The following ITPRIP variants were observed in gnomAD, a reference collection of about 807,000 sequenced individuals.
ITPRIP encodes inositol 1,4,5-trisphosphate receptor interacting protein, also known as inositol 1,4,5-trisphosphate receptor-interacting protein.
ITPRIP carries 32 observed loss-of-function variants against 35.8 expected under a neutral mutation model. That is an observed-to-expected ratio of 0.89 (90% CI 0.68 to 1.20). The LOEUF (loss-of-function observed/expected upper bound fraction) is 1.20. Among genes scored for constraint, ITPRIP ranks in the 50% most tolerant of loss-of-function variants. The probability of loss-of-function intolerance (pLI) is 0.00; values close to 1 mark genes in which losing one functional copy is unlikely to be tolerated. For missense variants in ITPRIP, 653 were observed against 735.6 expected, an observed-to-expected ratio of 0.89 and a Z score of 1.30; for synonymous variants, 358 against 324.0, an observed-to-expected ratio of 1.11 and a Z score of -1.13.
rs567461649 is a variant in ITPRIP at position 104,315,068 on chromosome 10, C to T, written c.984G>A (p.Leu328=). The change falls in exon 2 of 2, where the codon CTG becomes CTA. Residue 328 remains leucine, a synonymous_variant. Transcript: ENST00000337478. This position sits in a 1 kb window ranked among gnomAD's most constrained non-coding sequence, Gnocchi z 5.7. ...KYEFDLAFGQ[L]DSPGSLKIKF... is the part of the protein sequence containing the mutation. ...TGATCTTCAGGGACCCCGGGCTGTC[C>T]AGCTGGCCAAAGGCCAGGTCGAACT... 3 of 1,614,180 alleles carry T rather than the reference C, an allele frequency of 1.9e-6. No individual in the cohort carries two copies. The highest frequency in any genetic ancestry group is 3.3e-5 in the Admixed American group (2 of 60,026).
At position 104,338,458 on chromosome 10, in the gene ITPRIP, C is replaced by A. The variant is rs1007628115; in HGVS notation, c.-226G>T. ...GGCTCTACTGAACTTCAGAGTTACT[C>A]ATTTCCTGGATGTCACAAAAACTTT... On this transcript the variant is annotated 5_prime_UTR_variant, in exon 1 of 2. An upstream start codon of the reference 5' UTR is lost. Coordinates refer to ENST00000337478, the MANE Select transcript of ITPRIP (RefSeq NM_001272013.2). 2 of 152,322 alleles carry A rather than the reference C, an allele frequency of 1.3e-5. No individual in the cohort carries two copies. Among genetic ancestry groups the A allele is most frequent in the Non-Finnish European group, 2.9e-5 (2 of 68,112 alleles). The allele number at this position is 152,322 out of a possible 1,614,324, so 9.4% of individuals were successfully genotyped here.
In ITPRIP at chr10:104,314,382, G is replaced by A. The variant is rs371983948; in HGVS notation, c.*26C>T. On this transcript the variant is annotated 3_prime_UTR_variant, in exon 2 of 2. Coordinates refer to ENST00000337478, the MANE Select transcript of ITPRIP (RefSeq NM_001272013.2). ...GTGAGGGATGCCCTCATCTTAGCTC[G>A]AGGATCCCACATTCTGTAAAAGACG... is the stretch of plus-strand genomic sequence containing the variant. The A allele has an allele frequency of 1.6e-5, 25 of 1,583,588 alleles. No individual in the cohort carries two copies. Among genetic ancestry groups the A allele is most frequent in the East Asian group, 4.5e-5 (2 of 44,572 alleles).
At position 104,310,158 on chromosome 10, in the gene ITPRIP, G is replaced by A. The variant is rs1256074663; in HGVS notation, c.*4250C>T. On this transcript the variant is annotated 3_prime_UTR_variant, in exon 2 of 2. Coordinates refer to ENST00000337478, the MANE Select transcript of ITPRIP (RefSeq NM_001272013.2). ...CCTTCCAGCTCTGTCCCGTGAGGTG[G>A]AGATGAGACGGACCACGAAAATGTT... The A allele has an allele frequency of 6.6e-6, 1 of 152,204 alleles. No homozygotes were observed. Among genetic ancestry groups the A allele is most frequent in the Non-Finnish European group, 1.5e-5 (1 of 68,046 alleles). 9.4% of individuals were successfully genotyped at this position (152,204 alleles called of 1,614,324 possible). A position where few individuals can be genotyped will look rare whatever the true frequency, so the allele number is the denominator to read the frequency against.
rs575059774 is a variant in ITPRIP, at chr10:104,337,173, C to A, written c.-14+1073G>T. On this transcript the variant is annotated intron_variant, in intron 1 of 1. Transcript: ENST00000337478. ...TCTGATACTCTATTTTCAGGGCTCA[C>A]CTGGGCCTAAAACTGCACCAACCAC... 6.6e-5 allele frequency among the ~76,000 whole-genome samples: 10 copies of A among 152,322 alleles called. No homozygotes were observed. In the East Asian group the frequency reaches 1.9e-3, roughly 29 times the overall value.
At chr10:104,325,067 A>G (rs868353792) in intron 1 of ITPRIP, among the ~76,000 whole-genome samples, 1 of 152,136 alleles carries the variant, frequency 6.6e-6, no homozygotes. Context: ...AAAATATAAA[A>G]AAACTAGCTG....
Position 104,337,490 on chromosome 10 carries a change from TTTTTTCTTTTTC to T in ITPRIP, c.-14+744_-14+755del, listed in dbSNP as rs554502164. 2.0e-5 allele frequency among the ~76,000 whole-genome samples: 3 copies of T among 152,130 alleles called. No homozygotes were observed. In the South Asian group the frequency reaches 6.2e-4, roughly 32 times the overall value. Reference sequence around the variant, plus strand: ...TTTTACCTTCCTGGTCGGTGGCTTTTTTTTTCTTTTTCTTTTTCTTTTTTTAAGAGAAAGCGT... The same window carrying T: ...TTTTACCTTCCTGGTCGGTGGCTTTTTTTTTCTTTTTTTAAGAGAAAGCGT... On this transcript the variant is annotated intron_variant, in intron 1 of 1. Transcript: ENST00000337478.
chr10:104,328,132 T>C lies in ITPRIP; in HGVS notation c.-14+10114A>G, dbSNP rs887285538. 75 of 720,994 alleles carry C rather than the reference T, an allele frequency of 1.0e-4. No homozygotes were observed. The African/African-American group carries it at 1.2e-3, about 12-fold the overall frequency. 44.7% of individuals were successfully genotyped at this position (720,994 alleles called of 1,614,324 possible). ...AAATGCCCACCACTTGCAGGAAGGA[T>C]GCCTCTCCCACAGCCAGCCTGCAGG... On this transcript the variant is annotated intron_variant, in intron 1 of 1. Transcript: ENST00000337478. The surrounding 1 kb of genome is among the most constrained non-coding windows in gnomAD (Gnocchi z 4.1).
chr10:104,335,409 C>T (rs886559775), intron 1 of ITPRIP, among the ~76,000 whole-genome samples: 4 of 152,170 alleles, frequency 2.6e-5, no homozygotes, highest in African/African-American at 4.8e-5. Context: ...TCCTTCCACT[C>T]GCTCTCTGCC....
In ITPRIP at chr10:104,321,709, T is replaced by C. The variant is rs1450720033; in HGVS notation, c.-13-5645A>G. 3.7e-3 allele frequency among the ~76,000 whole-genome samples: 560 copies of C among 150,838 alleles called. 6 individuals carry two copies. The highest frequency in any genetic ancestry group is 0.013 in the African/African-American group (516 of 41,154). On this transcript the variant is annotated intron_variant, in intron 1 of 1. Coordinates refer to ENST00000337478, the MANE Select transcript of ITPRIP (RefSeq NM_001272013.2). Reference sequence around the variant, plus strand: ...TGTAAGTTTCTTTTCTTTTCTTTTTTTTTTTTTTTTTTGACCACTGTAACT... The same window carrying C: ...TGTAAGTTTCTTTTCTTTTCTTTTTCTTTTTTTTTTTTGACCACTGTAACT...
chr10:104,328,363 G>T lies in ITPRIP; in HGVS notation c.-14+9883C>A. The stretch of plus-strand genomic sequence containing the variant: ...GAGCATGAATACCCACCTTGGGGCA[G>T]GACATGCCAGAGTTCCCAAGAGTCG... On this transcript the variant is annotated intron_variant, in intron 1 of 1. Coordinates refer to ENST00000337478, the MANE Select transcript of ITPRIP (RefSeq NM_001272013.2). The surrounding 1 kb of genome is among the most constrained non-coding windows in gnomAD (Gnocchi z 4.1). 1 of 870,212 alleles carries T rather than the reference G, an allele frequency of 1.1e-6. No individual in the cohort carries two copies. The highest frequency in any genetic ancestry group is 1.4e-6 in the Non-Finnish European group (1 of 724,966). 53.9% of individuals were successfully genotyped at this position (870,212 alleles called of 1,614,324 possible).
intron 1 of ITPRIP, among the ~76,000 whole-genome samples, chr10:104,324,445 A>G (rs2013936008): frequency 6.6e-6 from 1 of 152,146 alleles, no homozygotes; most frequent in African/African-American, 2.4e-5. Flanking sequence ...CAACAAAAAG[A>G]TCATTGAGAA....
chr10:104,334,133 C>T (rs754259104), intron 1 of ITPRIP, among the ~76,000 whole-genome samples: 33 of 152,206 alleles, frequency 2.2e-4, no homozygotes, highest in African/African-American at 6.0e-4. Context: ...GCAGTCACAC[C>T]GCCTTGGCTC....
chr10:104,320,204 C>T (rs2013808190), intron 1 of ITPRIP, among the ~76,000 whole-genome samples: 1 of 150,986 alleles, frequency 6.6e-6, no homozygotes, highest in Admixed American at 6.6e-5. Context: ...CTTTCCAGGC[C>T]TCTTCCTGAT....
intron 1 of ITPRIP, among the ~76,000 whole-genome samples, chr10:104,325,816 T>C (rs998119005): frequency 3.3e-5 from 5 of 152,194 alleles, no homozygotes; most frequent in African/African-American, 1.2e-4. Flanking sequence ...GTAAGGCCTG[T>C]GGGCCCCAGG....
At chr10:104,335,881 T>A (rs2014223970) in intron 1 of ITPRIP, among the ~76,000 whole-genome samples, 1 of 151,824 alleles carries the variant, frequency 6.6e-6, no homozygotes. Flanking sequence ...ACCTAACTCA[T>A]ACGGCTACTG....
rs760174439 is a variant in ITPRIP at position 104,315,094 on chromosome 10, C to T, written c.958G>A (p.Glu320Lys). ...RAWKGIAHKY[E>K]FDLAFGQLDS... ...AGCTGGCCAAAGGCCAGGTCGAACT[C>T]GTACTTGTGGGCGATGCCCTTCCAG... The change falls in exon 2 of 2, where the codon GAG becomes AAG. Residue 320 changes from glutamate to lysine, a missense_variant. Glu to Lys is a moderately conservative substitution (Grantham distance 56, BLOSUM62 1). Coordinates refer to ENST00000337478, the MANE Select transcript of ITPRIP (RefSeq NM_001272013.2). This position sits in a 1 kb window ranked among gnomAD's most constrained non-coding sequence, Gnocchi z 5.7. The T allele has an allele frequency of 5.6e-6, 9 of 1,614,080 alleles. No homozygotes were observed. Among genetic ancestry groups the T allele is most frequent in the African/African-American group, 4.0e-5 (3 of 74,948 alleles).
Position 104,316,021 on chromosome 10 carries a change from C to T in ITPRIP, c.31G>A (p.Val11Met), listed in dbSNP as rs1191213272. The T allele has an allele frequency of 6.2e-7, 1 of 1,601,414 alleles. No homozygotes were observed. The highest frequency in any genetic ancestry group is 1.7e-5 in the Admixed American group (1 of 58,806). The change falls in exon 2 of 2, where the codon GTG (valine) becomes ATG (methionine). Residue 11 changes from valine (V) to methionine (M), a missense_variant. Coordinates refer to ENST00000337478, the MANE Select transcript of ITPRIP (RefSeq NM_001272013.2). Reference sequence around the variant, plus strand: ...TGGTTGATGATGGCCGTCACCACCACCAGACACACGCGGAAGAGCCCCATG... The same window carrying T: ...TGGTTGATGATGGCCGTCACCACCATCAGACACACGCGGAAGAGCCCCATG... The part of the protein sequence containing the change: MAMGLFRVCL[V>M]VVTAIINHPL...
chr10:104,317,828 G>A (rs10883991), intron 1 of ITPRIP, among the ~76,000 whole-genome samples: 43,156 of 152,102 alleles, frequency 0.28, 6,340 homozygotes, highest in Middle Eastern at 0.34. Context: ...ACCTCTGCAG[G>A]TTGTCCCTGG....
In ITPRIP at chr10:104,314,359, G is replaced by A. The variant is rs1170019481; in HGVS notation, c.*49C>T. ...CAGATGCCACCAGGGGTGTGAACGT[G>A]AGGGATGCCCTCATCTTAGCTCGAG... On this transcript the variant is annotated 3_prime_UTR_variant, in exon 2 of 2. Coordinates refer to ENST00000337478, the MANE Select transcript of ITPRIP (RefSeq NM_001272013.2). 1 of 1,559,638 alleles carries A rather than the reference G, an allele frequency of 6.4e-7. No homozygotes were observed. The highest frequency in any genetic ancestry group is 8.7e-7 in the Non-Finnish European group (1 of 1,151,126).
Sources: gnomAD v4.1 joint callset for allele counts (sites outside exome capture counted in the v4.1 genomes callset) on GRCh38, gnomAD v4.1.1 for gene constraint, Gnocchi (gnomAD v3.1) non-coding constraint, MANE v1.5 for transcripts, NCBI Gene and HGNC (gene_info 2026-07-23, HGNC 2026-07-21) for gene names.